The following RICTOR variants were observed in gnomAD, a reference collection of about 807,000 sequenced individuals.
RICTOR encodes the protein RPTOR independent companion of MTOR complex 2.
In RICTOR, 49 loss-of-function variants were observed where a neutral mutation model predicts 214.9. That is an observed-to-expected ratio of 0.23 (90% CI 0.18 to 0.29). The LOEUF (loss-of-function observed/expected upper bound fraction) is 0.29, where lower values mean the gene tolerates loss of function less well. RICTOR is among the 10% of genes least tolerant of loss of function. The probability of loss-of-function intolerance (pLI) is 1.00; values close to 1 mark genes in which losing one functional copy is unlikely to be tolerated. For missense variants in RICTOR, 1,625 were observed against 2,047.0 expected, an observed-to-expected ratio of 0.79 and a Z score of 3.98; for synonymous variants, 717 against 711.3, an observed-to-expected ratio of 1.01 and a Z score of -0.13.
chr5:38,959,010 T>C (rs569175391), intron 22 of RICTOR, among the ~76,000 whole-genome samples, 179 bp from the exon 23 acceptor site: 2 of 152,258 alleles, frequency 1.3e-5, no homozygotes, highest in South Asian at 4.1e-4. Flanking sequence ...CCTTTCTATC[T>C]AGCAGCTTCT....
At chr5:38,973,676 A>T (rs1750971677) in intron 10 of RICTOR, among the ~76,000 whole-genome samples, 1 of 152,218 alleles carries the variant, frequency 6.6e-6, no homozygotes, top group Non-Finnish European at 1.5e-5. Flanking sequence ...CATACTAGGT[A>T]AGCTTATTTG....
intron 31 of RICTOR, chr5:38,949,262 CTACT>C (rs1216918296): frequency 2.8e-6 from 2 of 718,998 alleles, no homozygotes; most frequent in South Asian, 2.3e-5. Flanking sequence ...ATAATCACAG[CTACT>C]TAAAGTGAAA....
At chr5:38,974,886 C>T (rs561148000) in intron 10 of RICTOR, among the ~76,000 whole-genome samples, 38 of 152,074 alleles carry the variant, frequency 2.5e-4, no homozygotes, top group African/African-American at 7.9e-4. Flanking sequence ...CCTTTTTTTG[C>T]TTATTGCTAC....
chr5:39,032,093 T>C (rs141049643), intron 2 of RICTOR, among the ~76,000 whole-genome samples: 1 of 152,348 alleles, frequency 6.6e-6, no homozygotes, highest in African/African-American at 2.4e-5. Flanking sequence ...GCCTCTAGTT[T>C]ATGATAAAAT....
chr5:39,057,121 G>A (rs995008540), intron 2 of RICTOR, among the ~76,000 whole-genome samples: 5 of 152,088 alleles, frequency 3.3e-5, no homozygotes, highest in Admixed American at 6.5e-5. Context: ...ATTTGAGTCC[G>A]ATTATATCTG....
chr5:38,942,449 C>CT lies in RICTOR; in HGVS notation c.5053-72dup. 3 of 791,068 alleles carry CT rather than the reference C, an allele frequency of 3.8e-6. No homozygotes were observed. The South Asian group carries it at 7.7e-5, about 20-fold the overall frequency. The allele number at this position is 791,068 out of a possible 1,614,324, so 49.0% of individuals were successfully genotyped here. The stretch of plus-strand genomic sequence containing the variant: ...TGATATAACATATTTATATAAATAT[C>CT]TAATTTTTTTTTTTTTTTGAGATAG... On this transcript the variant is annotated intron_variant, in intron 37 of 37. Transcript: ENST00000357387.
rs916483917 is a variant in RICTOR at position 39,006,815 on chromosome 5, G to A, written c.196-3193C>T. 2.0e-5 allele frequency among the ~76,000 whole-genome samples: 3 copies of A among 149,142 alleles called. No individual in the cohort carries two copies. In the East Asian group the frequency reaches 6.0e-4, roughly 30 times the overall value. The stretch of plus-strand genomic sequence containing the variant: ...GGGGGTCCCAAACAGAATAGGGTAG[G>A]AGACAGGACTAGAATAGCTGCTATC... On this transcript the variant is annotated intron_variant, in intron 3 of 37. Transcript: ENST00000357387.
At chr5:38,984,529 A>G (rs1014994084) in intron 7 of RICTOR, among the ~76,000 whole-genome samples, 3 of 152,196 alleles carry the variant, frequency 2.0e-5, no homozygotes, top group Non-Finnish European at 1.5e-5. Context: ...GCAGTCCTAC[A>G]GACTGGTGCA....
rs138151787 is a variant in RICTOR, at chr5:38,956,581, A to G, written c.2500-877T>C. ...CCTACTTACTCCTCAAGACCATTTC[A>G]AGTATCACATCTACGGCTCCTATTC... On this transcript the variant is annotated intron_variant, in intron 25 of 37. Coordinates refer to ENST00000357387, the MANE Select transcript of RICTOR (RefSeq NM_152756.5). Among the ~76,000 whole-genome samples, 577 of 152,168 alleles carry G rather than the reference A, an allele frequency of 3.8e-3. 5 individuals carry two copies. The highest frequency in any genetic ancestry group is 0.013 in the African/African-American group (551 of 41,526).
intron 2 of RICTOR, among the ~76,000 whole-genome samples, chr5:39,029,115 G>T (rs1314630731): frequency 6.6e-6 from 1 of 152,084 alleles, no homozygotes; most frequent in South Asian, 2.1e-4. Context: ...ACAGGCAAGG[G>T]GGTTTAGGGA....
chr5:38,983,728 C>T (rs1751916920), intron 7 of RICTOR, among the ~76,000 whole-genome samples: 1 of 152,118 alleles, frequency 6.6e-6, no homozygotes. Flanking sequence ...CTTTGGGAGG[C>T]TGAGGCGGGT....
chr5:38,961,814 C>CTA (rs929867485), intron 19 of RICTOR, among the ~76,000 whole-genome samples: 1 of 152,150 alleles, frequency 6.6e-6, no homozygotes, highest in Admixed American at 6.5e-5. Context: ...GCTGGTTAGT[C>CTA]TAAACTCAGG....
At chr5:39,066,007 T>G (rs1758878677) in intron 2 of RICTOR, among the ~76,000 whole-genome samples, 1 of 152,230 alleles carries the variant, frequency 6.6e-6, no homozygotes, top group South Asian at 2.1e-4. Flanking sequence ...CACTAGGCAG[T>G]GCCCCACTGG....
chr5:38,974,358 T>C (rs1037227227), intron 10 of RICTOR, among the ~76,000 whole-genome samples: 1 of 151,842 alleles, frequency 6.6e-6, no homozygotes, highest in East Asian at 1.9e-4. Flanking sequence ...TGAATCATTA[T>C]AAAAGGGCTC....
intron 2 of RICTOR, among the ~76,000 whole-genome samples, chr5:39,050,927 T>C (rs1374214054): frequency 3.9e-5 from 6 of 152,136 alleles, no homozygotes; most frequent in Non-Finnish European, 7.4e-5. Flanking sequence ...TTTTAATAAG[T>C]CTGATAATCC....
intron 3 of RICTOR, 117 bp from the exon 4 acceptor site, chr5:39,003,739 TATG>T (rs1753821068): frequency 1.7e-6 from 1 of 578,024 alleles, no homozygotes; most frequent in Non-Finnish European, 2.9e-6. Flanking sequence ...TTTTGAAAAA[TATG>T]ATTTTACTGT....
intron 2 of RICTOR, among the ~76,000 whole-genome samples, chr5:39,055,258 C>T (rs1307604144): frequency 6.6e-6 from 1 of 152,114 alleles, no homozygotes; most frequent in East Asian, 1.9e-4. Flanking sequence ...CTCTCTCTCT[C>T]ATTCATCAAG....
chr5:39,008,581 T>G (rs1201780917), intron 3 of RICTOR, among the ~76,000 whole-genome samples: 1 of 152,052 alleles, frequency 6.6e-6, no homozygotes, highest in Non-Finnish European at 1.5e-5. Context: ...CAATTGAACA[T>G]TACCATCTTA....
intron 28 of RICTOR, 71 bp from the exon 29 acceptor site, chr5:38,953,162 A>C: frequency 9.3e-7 from 1 of 1,077,482 alleles, no homozygotes. Context: ...AGCTACCAAG[A>C]AACAAATTTA....
Sources: allele counts gnomAD v4.1 joint callset (sites outside exome capture counted in the v4.1 genomes callset), GRCh38; gene constraint gnomAD v4.1.1; transcripts MANE v1.5; gene names NCBI Gene and HGNC (gene_info 2026-07-23, HGNC 2026-07-21).